The following ZNF727 variants were observed in gnomAD, a reference collection of about 807,000 sequenced individuals.
The protein encoded by ZNF727 is putative zinc finger protein 727.
ZNF727 carries 11 observed loss-of-function variants against 11.5 expected under a neutral mutation model. The ratio of observed to expected loss-of-function variants is 0.95; its 90% CI spans 0.60 to 1.58. ZNF727 has a LOEUF of 1.58. Ranked by LOEUF, ZNF727 falls within the 40% of genes most tolerant of loss-of-function variation. The pLI is 0.00. For missense variants in ZNF727, 533 were observed against 581.7 expected (o/e 0.92, Z 0.86); for synonymous variants, 171 against 196.1 (o/e 0.87, Z 1.07).
intron 1 of ZNF727, among the ~76,000 whole-genome samples, chr7:64,059,521 AACTCTCTAAAACT>A (rs918460504): frequency 6.6e-6 from 1 of 152,188 alleles, no homozygotes; most frequent in Non-Finnish European, 1.5e-5. Flanking sequence ...CACTTGAATA[AACTCTCTAAAACT>A]GGATGTTGAG....
intron 1 of ZNF727, 32 bp downstream of exon 1, chr7:64,045,656 G>A: frequency 6.4e-7 from 1 of 1,557,962 alleles, no homozygotes; most frequent in Non-Finnish European, 8.7e-7. Context: ...CCCGAGAAGG[G>A]GGAAGAGGCT....
At chr7:64,071,424 A>C (rs887404524) in intron 3 of ZNF727, among the ~76,000 whole-genome samples, 11 of 152,024 alleles carry the variant, frequency 7.2e-5, no homozygotes, top group African/African-American at 2.4e-4. Flanking sequence ...ATTAACATTT[A>C]TTTAGTCCTT....
chr7:64,051,887 A>G (rs1034623999), intron 1 of ZNF727, among the ~76,000 whole-genome samples: 2 of 152,202 alleles, frequency 1.3e-5, no homozygotes, highest in African/African-American at 4.8e-5. Flanking sequence ...GCATGGAAAT[A>G]TATTGATTTA....
At position 64,045,549 on chromosome 7, in the gene ZNF727, C is replaced by A; in HGVS notation, c.-73C>A. 1 of 1,544,376 alleles carries A rather than the reference C, an allele frequency of 6.5e-7. No individual in the cohort carries two copies. Among genetic ancestry groups the A allele is most frequent in the South Asian group, 1.2e-5 (1 of 83,916 alleles). ...TAGCTCCTCGGTGACTCCACCATAG[C>A]CCCTGTTATCCTGTGACCTGCAGGT... On this transcript the variant is annotated 5_prime_UTR_variant, in exon 1 of 4. Coordinates refer to ENST00000456806, the MANE Select transcript of ZNF727 (RefSeq NM_001159522.3).
Position 64,077,280 on chromosome 7 carries a change from C to T in ZNF727, c.231C>T (p.Gly77=). The T allele has an allele frequency of 6.7e-7, 1 of 1,490,228 alleles. No homozygotes were observed. Among genetic ancestry groups the T allele is most frequent in the Non-Finnish European group, 8.9e-7 (1 of 1,121,030 alleles). 92.3% of individuals were successfully genotyped at this position (1,490,228 alleles called of 1,614,324 possible). ...TGGTTCTTTTTTTTTTTTCAGCTGG[C>T]TCTTTGCATTTTACTGCAGAGATAT... ...RQKTVAKHPA[G]SLHFTAEILL... Residue 77 remains glycine, a synonymous_variant, in exon 4 of 4, where the codon GGC becomes GGT. Coordinates refer to ENST00000456806, the MANE Select transcript of ZNF727 (RefSeq NM_001159522.3).
At chr7:64,069,072 C>CTT (rs35929359) in intron 2 of ZNF727, 55 bp downstream of exon 2, 89 of 1,212,074 alleles carry the variant, frequency 7.3e-5, no homozygotes, top group South Asian at 2.9e-4. Context: ...TTTATTTCCT[C>CTT]TTTTTTTTTT....
At chr7:64,060,209 T>C (rs1789748834) in intron 1 of ZNF727, among the ~76,000 whole-genome samples, 1 of 152,350 alleles carries the variant, frequency 6.6e-6, no homozygotes, top group African/African-American at 2.4e-5. Context: ...TCTGAGCAGA[T>C]TGCCTATGAT....
At chr7:64,046,009 G>A (rs540449763) in intron 1 of ZNF727, among the ~76,000 whole-genome samples, 1 of 152,114 alleles carries the variant, frequency 6.6e-6, no homozygotes, top group East Asian at 1.9e-4. Flanking sequence ...TTTAAAAATT[G>A]TGGCTTATTT....
chr7:64,071,853 C>G (rs1201957294), intron 3 of ZNF727, among the ~76,000 whole-genome samples: 1 of 151,972 alleles, frequency 6.6e-6, no homozygotes, highest in Admixed American at 6.6e-5. Flanking sequence ...ACTTTCTGCA[C>G]TGTGTGTTCT....
Position 64,077,601 on chromosome 7 carries a change from G to T in ZNF727, c.552G>T (p.Leu184Phe). Residue 184 changes from leucine (L) to phenylalanine (F), a missense_variant, in exon 4 of 4, where the codon TTG (leucine) becomes TTT (phenylalanine). Physicochemically the swap from Leu to Phe is conservative, Grantham distance 22. Coordinates refer to ENST00000456806, the MANE Select transcript of ZNF727 (RefSeq NM_001159522.3). ...AAGAATGTGGCAAAGACTGTAGGTT[G>T]TCAGATTTTACCATACAGAAGAGAA... ...KCEECGKDCR[L>F]SDFTIQKRIH... 1 of 1,551,468 alleles carries T rather than the reference G, an allele frequency of 6.4e-7. No homozygotes were observed. Among genetic ancestry groups the T allele is most frequent in the Non-Finnish European group, 8.7e-7 (1 of 1,146,856 alleles).
In ZNF727 at chr7:64,078,504, G is replaced by A; in HGVS notation, c.1455G>A (p.Val485=). The A allele has an allele frequency of 6.4e-7, 1 of 1,563,226 alleles. No homozygotes were observed. The change falls in exon 4 of 4, where the codon GTG becomes GTA. Residue 485 remains valine, a synonymous_variant. Coordinates refer to ENST00000456806, the MANE Select transcript of ZNF727 (RefSeq NM_001159522.3). ...TGDRPTSAKN[V]AKPLGGSQTL... ...ACAGACCTACAAGTGCAAAGAATGT[G>A]GCAAAGCCTTTAGGTGGTTCTCAGA...
chr7:64,075,953 G>C lies in ZNF727; in HGVS notation c.227-1323G>C, dbSNP rs144997603. On this transcript the variant is annotated intron_variant, in intron 3 of 3. Transcript: ENST00000456806. Reference sequence around the variant, plus strand: ...TGTGCAGTCACATTTAAAATGCATGGCTATCTAGAATAATTATTTTTTAGT... The same window carrying C: ...TGTGCAGTCACATTTAAAATGCATGCCTATCTAGAATAATTATTTTTTAGT... 3.3e-3 allele frequency among the ~76,000 whole-genome samples: 501 copies of C among 152,178 alleles called. 1 individual carries two copies. Among genetic ancestry groups the C allele is most frequent in the Middle Eastern group, 0.017 (5 of 294 alleles).
chr7:64,053,599 G>A (rs4371883), intron 1 of ZNF727, among the ~76,000 whole-genome samples: 80,057 of 151,862 alleles, frequency 0.53, 22,476 homozygotes, highest in Non-Finnish European at 0.64. Context: ...GATTACAGGC[G>A]TGAGCCACTG....
rs112107837 is a variant in ZNF727 at position 64,081,666 on chromosome 7, A to G, written c.*3117A>G. ...CTGCCCTGTAAGCAGTTGTGGCCAG[A>G]CTGGATCCCTGGGAGAGGCCAGCAG... On this transcript the variant is annotated 3_prime_UTR_variant, in exon 4 of 4. Transcript: ENST00000456806. Among the ~76,000 whole-genome samples the G allele has an allele frequency of 0.027, 4,081 of 152,196 alleles. 194 individuals are homozygous for G. Among genetic ancestry groups the G allele is most frequent in the East Asian group, 0.18 (907 of 5,138 alleles).
At chr7:64,056,719 T>C (rs1789691768) in intron 1 of ZNF727, among the ~76,000 whole-genome samples, 1 of 152,172 alleles carries the variant, frequency 6.6e-6, no homozygotes, top group Admixed American at 6.5e-5. Context: ...CTACAAAAAA[T>C]GTACATCTTT....
At chr7:64,058,759 G>T (rs1418903904) in intron 1 of ZNF727, among the ~76,000 whole-genome samples, 2 of 152,146 alleles carry the variant, frequency 1.3e-5, no homozygotes, top group African/African-American at 4.8e-5. Flanking sequence ...CAAGATCTGG[G>T]TAATACGACA....
At chr7:64,048,966 A>G (rs1403167802) in intron 1 of ZNF727, among the ~76,000 whole-genome samples, 2 of 152,206 alleles carry the variant, frequency 1.3e-5, no homozygotes, top group Non-Finnish European at 2.9e-5. Context: ...TTGCAGAGCT[A>G]TGTATGGAGA....
rs1350424514 is a variant in ZNF727 at position 64,082,326 on chromosome 7, T to G, written c.*3777T>G. On this transcript the variant is annotated 3_prime_UTR_variant, in exon 4 of 4. Transcript: ENST00000456806. Reference sequence around the variant, plus strand: ...GGCACTCACGTAACAGTCTGGCCACTTTTCTGAAGGGCTGCTGCAGTATGC... The same window carrying G: ...GGCACTCACGTAACAGTCTGGCCACGTTTCTGAAGGGCTGCTGCAGTATGC... Among the ~76,000 whole-genome samples the G allele has an allele frequency of 6.6e-6, 1 of 152,144 alleles. No homozygotes were observed. Among genetic ancestry groups the G allele is most frequent in the Non-Finnish European group, 1.5e-5 (1 of 68,022 alleles).
At chr7:64,050,918 ATTTCT>A (rs1048135818) in intron 1 of ZNF727, among the ~76,000 whole-genome samples, 42 of 152,096 alleles carry the variant, frequency 2.8e-4, no homozygotes, top group African/African-American at 8.9e-4. Flanking sequence ...AATAGAAAAC[ATTTCT>A]TTACTTTTTC....
Sources: allele counts gnomAD v4.1 joint callset (sites outside exome capture counted in the v4.1 genomes callset), GRCh38; gene constraint gnomAD v4.1.1; transcripts MANE v1.5; gene names NCBI Gene and HGNC (gene_info 2026-07-23, HGNC 2026-07-21).